The following SACS variants were observed in gnomAD, a reference collection of about 807,000 sequenced individuals.
SACS encodes sacsin.
Under a neutral mutation model 348.0 loss-of-function variants are expected in SACS, and 197 were observed. That is an observed-to-expected ratio of 0.57 (90% CI 0.50 to 0.64). SACS has a LOEUF of 0.64. Among genes scored for constraint, SACS ranks in the 30% least tolerant of loss-of-function variants. SACS has a pLI of 0.00. For missense variants in SACS, 4,999 were observed against 5,360.8 expected, an observed-to-expected ratio of 0.93 and a Z score of 2.11; for synonymous variants, 1,985 against 1,910.6, an observed-to-expected ratio of 1.04 and a Z score of -1.02.
intron 2 of SACS, among the ~76,000 whole-genome samples, chr13:23,399,095 C>T (rs1186077055): frequency 1.3e-5 from 2 of 149,844 alleles, no homozygotes; most frequent in Non-Finnish European, 3.0e-5. Flanking sequence ...CCATCTTGGA[C>T]AAGCCCCTCA....
intron 2 of SACS, among the ~76,000 whole-genome samples, chr13:23,395,309 C>T (rs1360327590): frequency 6.6e-6 from 1 of 152,208 alleles, no homozygotes; most frequent in Non-Finnish European, 1.5e-5. Context: ...TGCTCCACCA[C>T]TAGGGCCACT....
chr13:23,408,290 T>C (rs1873321607), intron 2 of SACS, among the ~76,000 whole-genome samples: 1 of 152,038 alleles, frequency 6.6e-6, no homozygotes, highest in African/African-American at 2.4e-5. Flanking sequence ...CTTGGGGCAG[T>C]TTCCCCAAAT....
chr13:23,330,744 G>C lies in SACS; in HGVS notation c.13132C>G (p.Arg4378Gly). 6.2e-7 allele frequency: 1 copy of C among 1,613,878 alleles called. No homozygotes were observed. The highest frequency in any genetic ancestry group is 8.5e-7 in the Non-Finnish European group (1 of 1,179,888). The change falls in exon 10 of 10, where the codon CGA becomes GGA. Residue 4378 changes from arginine to glycine, a missense_variant. Coordinates refer to ENST00000382292, the MANE Select transcript of SACS (RefSeq NM_014363.6). The stretch of plus-strand genomic sequence containing the variant: ...CGGGATGCTGAGGTTGAAAATGTTC[G>C]TCTGGAGGCCCTGTCTGCATTTTGA... Reference protein sequence around the residue: ...LDQNADRASRRTFSTSASRFQ... With the variant: ...LDQNADRASRGTFSTSASRFQ...
intron 8 of SACS, 90 bp downstream of exon 8, chr13:23,354,428 AC>A: frequency 9.0e-7 from 1 of 1,109,402 alleles, no homozygotes; most frequent in South Asian, 1.3e-5. Flanking sequence ...GACATAGAAA[AC>A]CATTGAATTT....
Position 23,330,533 on chromosome 13 carries a change from C to T in SACS, c.13343G>A (p.Arg4448His), listed in dbSNP as rs374048886. Residue 4448 changes from arginine (R) to histidine (H), a missense_variant, in exon 10 of 10, where the codon CGC becomes CAC. Arg to His is a conservative substitution (Grantham distance 29). Around this residue, in one of 6 missense-constraint regions of SACS, gnomAD observed 254 missense variants for 275.1 expected, o/e 0.92. Transcript: ENST00000382292. ...TGCTCTGGCTTGTCTTAGCCATCTG[C>T]GTGCTTCCACTGGATTGCCAACCGA... ...FKSVGNPVEA[R>H]RWLRQARANF... 5.6e-6 allele frequency: 9 copies of T among 1,614,118 alleles called. No homozygotes were observed. The highest frequency in any genetic ancestry group is 2.2e-5 in the East Asian group (1 of 44,884).
chr13:23,422,500 T>C (rs571368470), intron 1 of SACS, among the ~76,000 whole-genome samples: 2 of 152,362 alleles, frequency 1.3e-5, no homozygotes, highest in African/African-American at 4.8e-5. Flanking sequence ...GATCACTGAA[T>C]GAATGGAACC....
chr13:23,356,872 A>G (rs995577792), intron 7 of SACS, among the ~76,000 whole-genome samples: 28 of 152,020 alleles, frequency 1.8e-4, no homozygotes, highest in South Asian at 4.2e-4. Context: ...ACAATCACCA[A>G]CTCCCAAGCT....
Position 23,334,556 on chromosome 13 carries a change from G to A in SACS, c.9320C>T (p.Ser3107Phe). 1 of 1,613,500 alleles carries A rather than the reference G, an allele frequency of 6.2e-7. No individual in the cohort carries two copies. Among genetic ancestry groups the A allele is most frequent in the South Asian group, 1.1e-5 (1 of 91,064 alleles). ...CCCAATATGGCAATTAGTGTCAGGA[G>A]AGGAAAATGTCATTAAAAAAGATCT... The part of the protein sequence containing the change: ...DIRSFLMTFS[S>F]PDTNCHIGKL... Residue 3107 changes from serine (S) to phenylalanine (F), a missense_variant, in exon 10 of 10, where the codon TCT becomes TTT. By Grantham distance (155) the Ser-to-Phe change is radical. Transcript: ENST00000382292.
chr13:23,365,783 G>A (rs1019316260), intron 5 of SACS, among the ~76,000 whole-genome samples: 4 of 152,172 alleles, frequency 2.6e-5, no homozygotes, highest in Admixed American at 6.6e-5. Flanking sequence ...TTGAGAGCCT[G>A]AGATATAAAA....
chr13:23,398,469 G>A (rs896247324), intron 2 of SACS, among the ~76,000 whole-genome samples: 5 of 151,068 alleles, frequency 3.3e-5, no homozygotes, highest in African/African-American at 4.9e-5. Context: ...AGGAGGCAAA[G>A]GTTGCAGTGA....
intron 6 of SACS, among the ~76,000 whole-genome samples, chr13:23,360,412 A>G (rs1295155742): frequency 2.6e-5 from 4 of 151,750 alleles, no homozygotes; most frequent in Admixed American, 6.6e-5. Context: ...AAAGGACCAC[A>G]AAAAGTCACA....
intron 7 of SACS, among the ~76,000 whole-genome samples, chr13:23,357,737 T>G (rs189302846): frequency 5.6e-4 from 43 of 76,444 alleles, no homozygotes; most frequent in African/African-American, 1.6e-3. Flanking sequence ...CACACTGAGT[T>G]AAGTATTTCC....
chr13:23,369,260 A>G (rs1253427688), intron 4 of SACS, among the ~76,000 whole-genome samples: 3 of 152,202 alleles, frequency 2.0e-5, no homozygotes, highest in African/African-American at 7.2e-5. Context: ...CACTGTCTCA[A>G]TGGCTGTCCA....
chr13:23,368,219 A>T (rs942399824), intron 5 of SACS, among the ~76,000 whole-genome samples, 183 bp downstream of exon 5: 2 of 152,218 alleles, frequency 1.3e-5, no homozygotes, highest in Non-Finnish European at 2.9e-5. Context: ...TCACATATTT[A>T]TATCAATTCC....
intron 4 of SACS, among the ~76,000 whole-genome samples, chr13:23,370,189 G>A (rs776199443): frequency 3.3e-5 from 5 of 152,116 alleles, no homozygotes; most frequent in African/African-American, 7.2e-5. Flanking sequence ...CTCCATCCAC[G>A]CTTGTCTTCC....
At chr13:23,421,444 C>T (rs1873934969) in intron 1 of SACS, among the ~76,000 whole-genome samples, 2 of 152,084 alleles carry the variant, frequency 1.3e-5, no homozygotes, top group Admixed American at 6.6e-5. Flanking sequence ...GGGTATCCAC[C>T]TCAAGCCTAT....
intron 2 of SACS, among the ~76,000 whole-genome samples, chr13:23,382,107 A>C (rs1236169040): frequency 6.6e-6 from 1 of 152,248 alleles, no homozygotes; most frequent in Non-Finnish European, 1.5e-5. Flanking sequence ...GAGGGGACAC[A>C]AAGAAAACGC....
intron 1 of SACS, among the ~76,000 whole-genome samples, chr13:23,425,294 G>A (rs1053373830): frequency 4.0e-5 from 6 of 151,610 alleles, no homozygotes; most frequent in Non-Finnish European, 5.9e-5. Context: ...TTCCACCCGG[G>A]ACCTGAATGT....
Position 23,332,400 on chromosome 13 carries a change from A to G in SACS, c.11476T>C (p.Tyr3826His). Residue 3826 changes from tyrosine (Y) to histidine (H), a missense_variant, in exon 10 of 10, where the codon TAC (tyrosine) becomes CAC (histidine). This residue lies in a region of SACS where 831 missense variants were observed against 941.8 expected (regional missense o/e 0.88). Transcript: ENST00000382292. ...EYESDFKPYL[Y>H]KLPLELGTFH... is the part of the protein sequence containing the mutation. ...GTGCCAAGTTCTAAAGGTAGCTTGT[A>G]CAAATAAGGTTTAAAATCAGATTCA... The G allele has an allele frequency of 6.2e-7, 1 of 1,614,004 alleles. No individual in the cohort carries two copies. Among genetic ancestry groups the G allele is most frequent in the Non-Finnish European group, 8.5e-7 (1 of 1,179,922 alleles).
Sources: allele counts gnomAD v4.1 joint callset (sites outside exome capture counted in the v4.1 genomes callset), GRCh38; gene constraint gnomAD v4.1.1; regional missense constraint gnomAD v4.1.1; transcripts MANE v1.5; gene names NCBI Gene and HGNC (gene_info 2026-07-23, HGNC 2026-07-21).